Variants in ARCN1 observed in about 807,000 individuals in gnomAD.
The protein encoded by ARCN1 is archain 1 coat protein complex I subunit delta.
Under a neutral mutation model 60.4 loss-of-function variants are expected in ARCN1, and 5 were observed. The ratio of observed to expected loss-of-function variants is 0.08; its 90% CI spans 0.04 to 0.17. The LOEUF is 0.17. ARCN1 is among the 10% of genes least tolerant of loss of function. The pLI, the probability that ARCN1 is intolerant of heterozygous loss-of-function variation, is 1.00. For synonymous variants in ARCN1, 224 were observed against 220.0 expected (o/e 1.02, Z -0.16); for missense variants, 464 against 626.5 (o/e 0.74, Z 2.77).
At position 118,600,640 on chromosome 11, in the gene ARCN1, C is replaced by G. The variant is rs1162887542; in HGVS notation, c.1462C>G (p.Gln488Glu). Residue 488 changes from glutamine (Q) to glutamate (E), a missense_variant, in exon 10 of 10, where the codon CAG becomes GAG. Physicochemically the swap from Gln to Glu is conservative, Grantham distance 29. Around this residue, in one of 2 missense-constraint regions of ARCN1, gnomAD observed 359 missense variants for 440.2 expected, o/e 0.82. Coordinates refer to ENST00000264028, the MANE Select transcript of ARCN1 (RefSeq NM_001655.5). Reference sequence around the variant, plus strand: ...ATTTTCCTAGGTTACCAAAGTGACCCAGGTAGATGGAAACAGCCCCGTCAG... The same window carrying G: ...ATTTTCCTAGGTTACCAAAGTGACCGAGGTAGATGGAAACAGCCCCGTCAG... ...YCNIQVTKVT[Q>E]VDGNSPVRFS... 1.2e-6 allele frequency: 2 copies of G among 1,611,182 alleles called. No individual in the cohort carries two copies. The highest frequency in any genetic ancestry group is 1.7e-5 in the Admixed American group (1 of 59,560).
chr11:118,596,705 G>A (rs1482600065), intron 8 of ARCN1, among the ~76,000 whole-genome samples: 5 of 152,146 alleles, frequency 3.3e-5, no homozygotes, highest in African/African-American at 7.2e-5. Context: ...CCTGTCAGCC[G>A]TGTGTAGGGG....
rs1316955356 is a variant in ARCN1 at position 118,601,415 on chromosome 11, CTTAG to C, written c.*704_*707del. On this transcript the variant is annotated 3_prime_UTR_variant, in exon 10 of 10. Transcript: ENST00000264028. ...TCCCTAAATATAGTTATATTTCATA[CTTAG>C]TTTGTTTTTAAAAAGTTTTCTCTGT... The C allele has an allele frequency of 2.5e-5, 15 of 592,736 alleles. No individual in the cohort carries two copies. The highest frequency in any genetic ancestry group is 3.7e-5 in the South Asian group (2 of 53,996). 36.7% of individuals were successfully genotyped at this position (592,736 alleles called of 1,614,324 possible). A position where few individuals can be genotyped will look rare whatever the true frequency, so the allele number is the denominator to read the frequency against.
intron 6 of ARCN1, among the ~76,000 whole-genome samples, chr11:118,592,229 C>T (rs547723400): frequency 3.8e-4 from 58 of 152,280 alleles, no homozygotes; most frequent in African/African-American, 1.4e-3. Context: ...TCTTAATTGG[C>T]TTGGATTTTA....
chr11:118,584,683 A>G, intron 5 of ARCN1, 39 bp downstream of exon 5: 1 of 1,507,832 alleles, frequency 6.6e-7, no homozygotes, highest in Non-Finnish European at 8.9e-7. Context: ...AGCTTTGAAT[A>G]CAGTCCACAT....
chr11:118,579,341 A>G (rs1938596764), intron 1 of ARCN1, among the ~76,000 whole-genome samples: 1 of 152,048 alleles, frequency 6.6e-6, no homozygotes, highest in African/African-American at 2.4e-5. Flanking sequence ...AACTATTAAG[A>G]AGGAAAGCTT....
At position 118,590,427 on chromosome 11, in the gene ARCN1, T is replaced by C; in HGVS notation, c.905T>C (p.Met302Thr). Reference sequence around the variant, plus strand: ...AATATGGAGTTGCATGGCATGATCATGCTTAGGATCTCAGATGACAAGTAT... The same window carrying C: ...AATATGGAGTTGCATGGCATGATCACGCTTAGGATCTCAGATGACAAGTAT... ...LQNMELHGMI[M>T]LRISDDKYGR... The change falls in exon 6 of 10, where the codon ATG becomes ACG. Residue 302 changes from methionine to threonine, a missense_variant. Around this residue, in one of 2 missense-constraint regions of ARCN1, gnomAD observed 359 missense variants for 440.2 expected, o/e 0.82. Transcript: ENST00000264028. 1 of 1,614,236 alleles carries C rather than the reference T, an allele frequency of 6.2e-7. No individual in the cohort carries two copies. Among genetic ancestry groups the C allele is most frequent in the East Asian group, 2.2e-5 (1 of 44,886 alleles).
chr11:118,601,255 T>A lies in ARCN1; in HGVS notation c.*541T>A. On this transcript the variant is annotated 3_prime_UTR_variant, in exon 10 of 10. Coordinates refer to ENST00000264028, the MANE Select transcript of ARCN1 (RefSeq NM_001655.5). ...TTTTTGTATTTTAGTAGAGACGGGG[T>A]TTCACCGTGTTGCCCAGGCTGGTCG... The A allele has an allele frequency of 3.1e-6, 1 of 326,506 alleles. No individual in the cohort carries two copies. 20.2% of individuals were successfully genotyped at this position (326,506 alleles called of 1,614,324 possible). A position where few individuals can be genotyped will look rare whatever the true frequency, so the allele number is the denominator to read the frequency against.
At chr11:118,585,175 C>T (rs1938751487) in intron 5 of ARCN1, among the ~76,000 whole-genome samples, 1 of 151,940 alleles carries the variant, frequency 6.6e-6, no homozygotes, top group Non-Finnish European at 1.5e-5. Context: ...GTTGTCTAGG[C>T]TGGCCTCCAA....
rs555506105 is a variant in ARCN1 at position 118,592,010 on chromosome 11, T to C, written c.985-699T>C. The stretch of plus-strand genomic sequence containing the variant: ...ATCTCGGCTCACCGCAACCTCTGCC[T>C]CCCGGGTTCAAGCCATTCTCCTGCC... On this transcript the variant is annotated intron_variant, in intron 6 of 9. Coordinates refer to ENST00000264028, the MANE Select transcript of ARCN1 (RefSeq NM_001655.5). Among the ~76,000 whole-genome samples the C allele has an allele frequency of 3.0e-3, 446 of 148,310 alleles. 3 individuals are homozygous for C. Among genetic ancestry groups the C allele is most frequent in the Non-Finnish European group, 5.6e-3 (371 of 66,690 alleles).
At chr11:118,583,648 C>T (rs2135542495) in intron 3 of ARCN1, among the ~76,000 whole-genome samples, 161 bp from the exon 4 acceptor site, 1 of 152,084 alleles carries the variant, frequency 6.6e-6, no homozygotes, top group South Asian at 2.1e-4. Context: ...GTCCCAGCTA[C>T]TTGGGAGGCT....
chr11:118,596,992 G>C (rs1481027834), intron 8 of ARCN1, among the ~76,000 whole-genome samples: 1 of 152,148 alleles, frequency 6.6e-6, no homozygotes, highest in Non-Finnish European at 1.5e-5. Context: ...AGTGGATCAC[G>C]GGGTCAGGAG....
chr11:118,572,467 T>C lies in ARCN1; in HGVS notation c.-81T>C. The C allele has an allele frequency of 6.6e-7, 1 of 1,511,716 alleles. No individual in the cohort carries two copies. Among genetic ancestry groups the C allele is most frequent in the Non-Finnish European group, 9.1e-7 (1 of 1,104,386 alleles). The allele number at this position is 1,511,716 out of a possible 1,614,324, so 93.6% of individuals were successfully genotyped here. ...GTCAAGGGGGCAGCAGGTCCAGAGC[T>C]GCTGGTGCTCCCGTTCCCCAGACCC... On this transcript the variant is annotated 5_prime_UTR_variant, in exon 1 of 10. Coordinates refer to ENST00000264028, the MANE Select transcript of ARCN1 (RefSeq NM_001655.5).
chr11:118,572,437 T>A lies in ARCN1; in HGVS notation c.-111T>A, dbSNP rs891160943. The A allele has an allele frequency of 4.8e-6, 5 of 1,044,342 alleles. No homozygotes were observed. The highest frequency in any genetic ancestry group is 1.7e-5 in the African/African-American group (1 of 57,508). 64.7% of individuals were successfully genotyped at this position (1,044,342 alleles called of 1,614,324 possible). A position where few individuals can be genotyped will look rare whatever the true frequency, so the allele number is the denominator to read the frequency against. On this transcript the variant is annotated 5_prime_UTR_variant, in exon 1 of 10. Coordinates refer to ENST00000264028, the MANE Select transcript of ARCN1 (RefSeq NM_001655.5). The stretch of plus-strand genomic sequence containing the variant: ...TTGGCAAGAGGCGAAGCGGCAGCGG[T>A]TCCTGTCAAGGGGGCAGCAGGTCCA...
rs2093397402 is a variant in ARCN1 at position 118,601,872 on chromosome 11, G to A, written c.*1158G>A. 2 of 598,448 alleles carry A rather than the reference G, an allele frequency of 3.3e-6. No individual in the cohort carries two copies. Among genetic ancestry groups the A allele is most frequent in the South Asian group, 2.0e-5 (1 of 48,946 alleles). 37.1% of individuals were successfully genotyped at this position (598,448 alleles called of 1,614,324 possible). On this transcript the variant is annotated 3_prime_UTR_variant, in exon 10 of 10. Coordinates refer to ENST00000264028, the MANE Select transcript of ARCN1 (RefSeq NM_001655.5). The stretch of plus-strand genomic sequence containing the variant: ...TTCACATCCACATGTAATCATGTCT[G>A]CTGCTGTTGCTACCCAAATTTTCAT...
rs191853544 is a variant in ARCN1 at position 118,602,903 on chromosome 11, A to G, written c.*2189A>G. Reference sequence around the variant, plus strand: ...GTATACAAAGAAGGCAAATTCTTTAATCAAATAAAGCGCATTATAAAATGA... The same window carrying G: ...GTATACAAAGAAGGCAAATTCTTTAGTCAAATAAAGCGCATTATAAAATGA... On this transcript the variant is annotated 3_prime_UTR_variant, in exon 10 of 10. Coordinates refer to ENST00000264028, the MANE Select transcript of ARCN1 (RefSeq NM_001655.5). The G allele has an allele frequency of 1.9e-5, 3 of 153,858 alleles. No homozygotes were observed. In the Admixed American group the frequency reaches 2.0e-4, roughly 10 times the overall value. The allele number at this position is 153,858 out of a possible 1,614,324, so 9.5% of individuals were successfully genotyped here.
chr11:118,596,627 T>C (rs1939031840), intron 8 of ARCN1, among the ~76,000 whole-genome samples: 1 of 152,204 alleles, frequency 6.6e-6, no homozygotes, highest in Admixed American at 6.5e-5. Flanking sequence ...ATCCCTAATA[T>C]AAACATTGAG....
chr11:118,587,297 A>G (rs1938800593), intron 5 of ARCN1, among the ~76,000 whole-genome samples: 1 of 152,238 alleles, frequency 6.6e-6, no homozygotes, highest in African/African-American at 2.4e-5. Context: ...GGAGACAACT[A>G]GTATTAACAG....
intron 1 of ARCN1, among the ~76,000 whole-genome samples, chr11:118,576,098 A>G (rs1291432261): frequency 6.6e-6 from 1 of 152,118 alleles, no homozygotes; most frequent in African/African-American, 2.4e-5. Context: ...ATAATCAATT[A>G]AGTGACTTAT....
At chr11:118,596,908 A>G (rs1939037493) in intron 8 of ARCN1, among the ~76,000 whole-genome samples, 1 of 152,216 alleles carries the variant, frequency 6.6e-6, no homozygotes, top group Non-Finnish European at 1.5e-5. Flanking sequence ...ACATTCTGAA[A>G]TCTTTAAAAA....
Sources: allele counts gnomAD v4.1 joint callset (sites outside exome capture counted in the v4.1 genomes callset), GRCh38; gene constraint gnomAD v4.1.1; regional missense constraint gnomAD v4.1.1; transcripts MANE v1.5; gene names NCBI Gene and HGNC (gene_info 2026-07-23, HGNC 2026-07-21).